LRP1B: variants seen among roughly 807,000 people sequenced by gnomAD.
LRP1B encodes the protein LDL receptor related protein 1B, also known as low-density lipoprotein receptor-related protein 1B.
LRP1B carries 217 observed loss-of-function variants against 556.6 expected under a neutral mutation model. That is an observed-to-expected ratio of 0.39 (90% CI 0.35 to 0.44). LRP1B has a LOEUF of 0.44. LRP1B is among the 20% of genes least tolerant of loss of function. The pLI is 1.00. For missense variants in LRP1B, 5,053 were observed against 5,620.8 expected (o/e 0.90, Z 3.23); for synonymous variants, 2,047 against 1,865.8 (o/e 1.10, Z -2.50).
intron 1 of LRP1B, among the ~76,000 whole-genome samples, chr2:142,003,976 A>C (rs1482673948): frequency 6.6e-6 from 1 of 152,162 alleles, no homozygotes; most frequent in Non-Finnish European, 1.5e-5. Context: ...AGATTGCTAC[A>C]AAGACTCCAT....
intron 41 of LRP1B, among the ~76,000 whole-genome samples, chr2:140,661,643 G>A (rs1384928872): frequency 6.6e-6 from 1 of 152,062 alleles, no homozygotes; most frequent in African/African-American, 2.4e-5. Context: ...CTCCAGCCTG[G>A]GCAACAGAGC....
intron 3 of LRP1B, among the ~76,000 whole-genome samples, chr2:141,321,267 T>G (rs1297965909): frequency 6.6e-6 from 1 of 151,980 alleles, no homozygotes; most frequent in African/African-American, 2.4e-5. Context: ...AGTAAATAAA[T>G]TATTAAAAAC....
At chr2:140,334,875 A>T (rs763561467) in intron 78 of LRP1B, among the ~76,000 whole-genome samples, 15 of 152,016 alleles carry the variant, frequency 9.9e-5, no homozygotes, top group Non-Finnish European at 1.8e-4. Context: ...TATTTCCACC[A>T]CATGAAACTC....
intron 2 of LRP1B, among the ~76,000 whole-genome samples, chr2:141,702,627 T>C (rs1175050480): frequency 6.6e-6 from 1 of 151,846 alleles, no homozygotes; most frequent in Non-Finnish European, 1.5e-5. Context: ...AGTAGGGAGC[T>C]AGTGAAGGTT....
At chr2:141,238,405 C>T (rs2105311406) in intron 5 of LRP1B, among the ~76,000 whole-genome samples, 1 of 152,130 alleles carries the variant, frequency 6.6e-6, no homozygotes, top group African/African-American at 2.4e-5. Context: ...AGTTTGAAAA[C>T]ACGGGTCCTT....
intron 2 of LRP1B, among the ~76,000 whole-genome samples, chr2:141,666,783 C>G (rs180881071): frequency 6.6e-6 from 1 of 152,100 alleles, no homozygotes; most frequent in Non-Finnish European, 1.5e-5. Context: ...GTTATGTATA[C>G]GTCTCCAGCA....
At chr2:140,849,200 C>CAAAAAAAAAAAAAAAAAAAAAAAAAA (rs70988447) in intron 29 of LRP1B, among the ~76,000 whole-genome samples, 1 of 100,552 alleles carries the variant, frequency 9.9e-6, no homozygotes. Flanking sequence ...ACTAAAAATA[C>CAAAAAAAAAAAAAAAAAAAAAAAAAA]AAAAAAAAAA....
chr2:141,603,885 C>T (rs961045866), intron 2 of LRP1B, among the ~76,000 whole-genome samples: 1 of 152,092 alleles, frequency 6.6e-6, no homozygotes, highest in African/African-American at 2.4e-5. Flanking sequence ...TAGGAAAAGG[C>T]CTAACATTGA....
chr2:141,478,122 A>G (rs1488892876), intron 3 of LRP1B, among the ~76,000 whole-genome samples: 1 of 152,188 alleles, frequency 6.6e-6, no homozygotes, highest in African/African-American at 2.4e-5. Flanking sequence ...GATCAAAATA[A>G]AATTAAAAGT....
chr2:140,885,506 A>G (rs1693608385), intron 24 of LRP1B, among the ~76,000 whole-genome samples: 1 of 151,848 alleles, frequency 6.6e-6, no homozygotes, highest in South Asian at 2.1e-4. Context: ...ATGCACCACC[A>G]CGTCCAGCTA....
chr2:142,015,577 G>C (rs1298690139), intron 1 of LRP1B, among the ~76,000 whole-genome samples: 1 of 152,082 alleles, frequency 6.6e-6, no homozygotes, highest in Non-Finnish European at 1.5e-5. Context: ...TCATCAGAGT[G>C]AACAGGCAAC....
chr2:140,982,407 A>T, intron 17 of LRP1B, 131 bp from the exon 18 acceptor site: 1 of 596,754 alleles, frequency 1.7e-6, no homozygotes, highest in Non-Finnish European at 2.9e-6. Flanking sequence ...ATATTTTAAA[A>T]GTCCATTTTT....
intron 2 of LRP1B, among the ~76,000 whole-genome samples, chr2:141,510,512 C>T (rs1684091933): frequency 1.3e-5 from 2 of 152,006 alleles, no homozygotes; most frequent in African/African-American, 4.8e-5. Context: ...CTTTTACCAG[C>T]AGGTGTGTTG....
chr2:141,772,618 AG>A (rs1694938437), intron 2 of LRP1B, among the ~76,000 whole-genome samples: 1 of 152,174 alleles, frequency 6.6e-6, no homozygotes, highest in Non-Finnish European at 1.5e-5. Context: ...ACTGCTTCAG[AG>A]GGATTTTTGT....
chr2:140,628,412 C>T (rs1683752479), intron 41 of LRP1B, among the ~76,000 whole-genome samples: 1 of 151,886 alleles, frequency 6.6e-6, no homozygotes, highest in Non-Finnish European at 1.5e-5. Flanking sequence ...TGGCGGGTGC[C>T]TGTAGTCCCA....
intron 41 of LRP1B, among the ~76,000 whole-genome samples, chr2:140,627,705 C>A (rs995446530): frequency 2.0e-5 from 3 of 152,078 alleles, no homozygotes; most frequent in African/African-American, 7.2e-5. Context: ...CTCTAGAGAA[C>A]CTTAATACAC....
At chr2:141,452,128 G>A (rs1390694460) in intron 3 of LRP1B, among the ~76,000 whole-genome samples, 1 of 152,156 alleles carries the variant, frequency 6.6e-6, no homozygotes, top group African/African-American at 2.4e-5. Context: ...GAATTCACTT[G>A]GAGTTTGTGA....
At chr2:141,446,085 T>A (rs1403333510) in intron 3 of LRP1B, among the ~76,000 whole-genome samples, 1 of 152,238 alleles carries the variant, frequency 6.6e-6, no homozygotes, top group Non-Finnish European at 1.5e-5. Context: ...GGACTTGCTT[T>A]ATGAATCTGG....
chr2:141,639,309 T>A (rs1689226444), intron 2 of LRP1B, among the ~76,000 whole-genome samples: 1 of 2,712 alleles, frequency 3.7e-4, no homozygotes, highest in South Asian at 9.8e-3. Flanking sequence ...TGTGTGTATA[T>A]ATATATATAT....
Sources: gnomAD v4.1 joint callset for allele counts (sites outside exome capture counted in the v4.1 genomes callset) on GRCh38, gnomAD v4.1.1 for gene constraint, MANE v1.5 for transcripts, NCBI Gene and HGNC (gene_info 2026-07-23, HGNC 2026-07-21) for gene names.